Variants in CDH3 observed in about 807,000 individuals in gnomAD.
CDH3 encodes the protein cadherin-3.
CDH3 carries 54 observed loss-of-function variants against 82.0 expected under a neutral mutation model. The ratio of observed to expected loss-of-function variants is 0.66; its 90% CI spans 0.53 to 0.83. CDH3 has a LOEUF of 0.83. CDH3 is among the 40% of genes least tolerant of loss of function. The pLI is 0.00. For missense variants in CDH3, 1,054 were observed against 1,084.6 expected (o/e 0.97, Z 0.40); for synonymous variants, 446 against 437.9 (o/e 1.02, Z -0.23).
chr16:68,729,116 CCAACAT>C (rs1962257622), downstream of CDH3, among the ~76,000 whole-genome samples: 1 of 152,054 alleles, frequency 6.6e-6, no homozygotes, highest in Non-Finnish European at 1.5e-5. Context: ...ACCAGCCTGG[CCAACAT>C]GATGAAACCC....
In CDH3 at chr16:68,698,776, A is replaced by AT. The variant is rs899205735; in HGVS notation, c.*387dup. ...TTCTTAGGCCTCCTGGTGCAACTTAATTTTTTTTTTTAATGCTATCTTCAA... is the reference window on the plus strand; with the variant it reads ...TTCTTAGGCCTCCTGGTGCAACTTAATTTTTTTTTTTTAATGCTATCTTCAA... On this transcript the variant is annotated 3_prime_UTR_variant, in exon 16 of 16. Coordinates refer to ENST00000264012, the MANE Select transcript of CDH3 (RefSeq NM_001793.6). 0.018 allele frequency: 3,351 copies of AT among 190,012 alleles called. 1 individual carries two copies. Among genetic ancestry groups the AT allele is most frequent in the South Asian group, 0.037 (299 of 7,976 alleles). The allele number at this position is 190,012 out of a possible 1,614,324, so 11.8% of individuals were successfully genotyped here.
intron 2 of CDH3, among the ~76,000 whole-genome samples, chr16:68,723,304 C>T (rs912056675): frequency 2.6e-5 from 4 of 151,976 alleles, no homozygotes; most frequent in Admixed American, 1.3e-4. Context: ...ACATTTTGTT[C>T]TATAGCTATA....
chr16:68,672,888 A>G (rs1468817499), intron 2 of CDH3, among the ~76,000 whole-genome samples: 1 of 152,096 alleles, frequency 6.6e-6, no homozygotes, highest in Non-Finnish European at 1.5e-5. Flanking sequence ...CTTTGCCTGG[A>G]TGAGTTTTGC....
chr16:68,659,647 G>A (rs984229803), intron 2 of CDH3, among the ~76,000 whole-genome samples: 14 of 150,740 alleles, frequency 9.3e-5, no homozygotes, highest in African/African-American at 4.9e-5. Context: ...TCACACCACT[G>A]TACTGTAGCC....
At position 68,670,370 on chromosome 16, in the gene CDH3, C is replaced by T. The variant is rs77911658; in HGVS notation, c.161-6015C>T. Among the ~76,000 whole-genome samples the T allele has an allele frequency of 7.1e-3, 1,078 of 152,176 alleles. 7 individuals carry two copies. Among genetic ancestry groups the T allele is most frequent in the Non-Finnish European group, 0.011 (749 of 68,008 alleles). On this transcript the variant is annotated intron_variant, in intron 2 of 15. Coordinates refer to ENST00000264012, the MANE Select transcript of CDH3 (RefSeq NM_001793.6). ...TTCGACCTTTGGCTAGTCATCTCAC[C>T]GCCACCACCCCTCACCCCCAGCCCT... is the stretch of plus-strand genomic sequence containing the variant.
chr16:68,685,075 AGGTGCATTTTCCATATGAT>A, intron 10 of CDH3, 111 bp from the exon 11 acceptor site: 1 of 1,186,590 alleles, frequency 8.4e-7, no homozygotes, highest in Non-Finnish European at 1.2e-6. Context: ...TTTATGGGCG[AGGTGCATTTTCCATATGAT>A]CCTGCTTAGG....
At chr16:68,691,270 C>A (rs1277498914) in intron 12 of CDH3, among the ~76,000 whole-genome samples, 1 of 152,036 alleles carries the variant, frequency 6.6e-6, no homozygotes, top group Non-Finnish European at 1.5e-5. Context: ...TCTCAAAGTG[C>A]CGGGATTGCA....
In CDH3 at chr16:68,679,914, G is replaced by A. The variant is rs11547234; in HGVS notation, c.807G>A (p.Met269Ile). The change falls in exon 7 of 16, where the codon ATG becomes ATA. Residue 269 changes from methionine to isoleucine, a missense_variant. Met to Ile is a conservative substitution (Grantham distance 10). Transcript: ENST00000264012. ...AACCAAAGGACCCACACGACCTCAT[G>A]TTCACCATTCACCGGAGCACAGGCA... ...SQEPKDPHDL[M>I]FTIHRSTGTI... 1.9e-6 allele frequency: 3 copies of A among 1,614,132 alleles called. No homozygotes were observed. In the East Asian group the frequency reaches 6.7e-5, roughly 36 times the overall value.
downstream of CDH3, among the ~76,000 whole-genome samples, chr16:68,703,957 A>C (rs1371490161): frequency 1.3e-5 from 2 of 150,398 alleles, no homozygotes; most frequent in East Asian, 2.0e-4. Flanking sequence ...AAATAATAAT[A>C]ATCATAATTA....
chr16:68,690,611 TA>T (rs1056196291), intron 12 of CDH3, among the ~76,000 whole-genome samples: 5 of 132,748 alleles, frequency 3.8e-5, no homozygotes, highest in South Asian at 2.4e-4. Flanking sequence ...AGACTCTGTC[TA>T]AAAAAAAAAT....
chr16:68,730,886 G>T (rs541494519), downstream of CDH3, among the ~76,000 whole-genome samples: 741 of 150,436 alleles, frequency 4.9e-3, 7 homozygotes, highest in African/African-American at 0.017. Context: ...CAGGTGTGGT[G>T]GTGCATGCCT....
chr16:68,716,232 A>T (rs1272826903), intron 1 of CDH3, among the ~76,000 whole-genome samples: 1 of 151,444 alleles, frequency 6.6e-6, no homozygotes, highest in Non-Finnish European at 1.5e-5. Context: ...AAAAAAAAAG[A>T]CTAAGCACTG....
At chr16:68,710,084 A>C (rs978741140) in intron 1 of CDH3, among the ~76,000 whole-genome samples, 1 of 152,216 alleles carries the variant, frequency 6.6e-6, no homozygotes, top group African/African-American at 2.4e-5. Flanking sequence ...GGTTGGTTAC[A>C]TTGGGGGAAG....
At chr16:68,693,351 G>T (rs1489619102) in intron 13 of CDH3, among the ~76,000 whole-genome samples, 2 of 152,068 alleles carry the variant, frequency 1.3e-5, no homozygotes, top group African/African-American at 4.8e-5. Context: ...TAATCCAGGG[G>T]TAAAAAGGTG....
chr16:68,704,529 A>G (rs1050832105), downstream of CDH3, among the ~76,000 whole-genome samples: 1 of 152,208 alleles, frequency 6.6e-6, no homozygotes, highest in Non-Finnish European at 1.5e-5. Context: ...AGAGGGCACC[A>G]TTCACTCAAA....
At chr16:68,688,216 T>C (rs1038943969) in intron 12 of CDH3, among the ~76,000 whole-genome samples, 4 of 151,676 alleles carry the variant, frequency 2.6e-5, no homozygotes, top group Non-Finnish European at 4.4e-5. Context: ...ATAAATAGCA[T>C]CTGATTGAGG....
chr16:68,710,506 G>A (rs531304104), intron 1 of CDH3, among the ~76,000 whole-genome samples: 224 of 152,280 alleles, frequency 1.5e-3, no homozygotes, highest in African/African-American at 5.1e-3. Flanking sequence ...CCCCTACAAT[G>A]CACAGGACAG....
chr16:68,708,635 CTTTTTCTTTTTT>C (rs1170785198), intron 1 of CDH3, among the ~76,000 whole-genome samples: 10 of 146,532 alleles, frequency 6.8e-5, no homozygotes, highest in East Asian at 2.1e-4. Context: ...TTCTTTCTTT[CTTTTTCTTTTTT>C]TTTTTCTTTT....
chr16:68,697,960 G>A, intron 15 of CDH3: 1 of 620,414 alleles, frequency 1.6e-6, no homozygotes, highest in Admixed American at 2.6e-5. Flanking sequence ...TTCTGGCCCG[G>A]GCTGTCTGAT....
Sources: allele counts gnomAD v4.1 joint callset (sites outside exome capture counted in the v4.1 genomes callset), GRCh38; gene constraint gnomAD v4.1.1; transcripts MANE v1.5; gene names NCBI Gene and HGNC (gene_info 2026-07-23, HGNC 2026-07-21).